NFATC2: variants seen among roughly 807,000 people sequenced by gnomAD.
The protein encoded by NFATC2 is nuclear factor of activated T-cells, cytoplasmic 2.
A neutral mutation model predicts 87.3 loss-of-function variants in NFATC2; 22 were observed. The ratio of observed to expected loss-of-function variants is 0.25; its 90% CI spans 0.18 to 0.36. The LOEUF is 0.36. Ranked by LOEUF, NFATC2 falls within the 10% of genes least tolerant of loss-of-function variation. The pLI is 1.00. For synonymous variants in NFATC2, 565 were observed against 542.2 expected, an observed-to-expected ratio of 1.04 and a Z score of -0.58; for missense variants, 1,149 against 1,259.1, an observed-to-expected ratio of 0.91 and a Z score of 1.32.
chr20:51,436,828 G>T (rs764259655), intron 6 of NFATC2, among the ~76,000 whole-genome samples: 1 of 152,156 alleles, frequency 6.6e-6, no homozygotes, highest in Non-Finnish European at 1.5e-5. Flanking sequence ...TTAGAGAAGC[G>T]CCATGACAGG....
At chr20:51,435,344 C>G (rs374852805) in intron 7 of NFATC2, 30 bp from the exon 8 acceptor site, 108 of 1,613,616 alleles carry the variant, frequency 6.7e-5, no homozygotes, top group Non-Finnish European at 8.6e-5. Flanking sequence ...ATGAACTTAA[C>G]TGCAATCATG....
rs895110505 is a variant in NFATC2 at position 51,541,363 on chromosome 20, G to T, written c.130+1007C>A. 4.6e-5 allele frequency among the ~76,000 whole-genome samples: 7 copies of T among 152,128 alleles called. No homozygotes were observed. In the South Asian group the frequency reaches 1.4e-3, roughly 32 times the overall value. On this transcript the variant is annotated intron_variant, in intron 1 of 10. Transcript: ENST00000371564. ...TGGGCTGGGCTGTCAAAATCAGGAA[G>T]CCTGGTTGGGTTTTTTGTTTTTTCC... is the stretch of plus-strand genomic sequence containing the variant.
intron 9 of NFATC2, among the ~76,000 whole-genome samples, chr20:51,430,406 C>T (rs994818753): frequency 6.6e-6 from 1 of 152,222 alleles, no homozygotes; most frequent in African/African-American, 2.4e-5. Context: ...TTATCTTCAC[C>T]ATTGTGAATG....
chr20:51,396,059 TATATATATATA>T (rs1568922100), intron 10 of NFATC2, among the ~76,000 whole-genome samples: 9 of 13,468 alleles, frequency 6.7e-4, no homozygotes, highest in Non-Finnish European at 8.3e-4. Flanking sequence ...TATATATATA[TATATATATATA>T]TATATATATA....
At chr20:51,487,989 C>T (rs954829694) in intron 3 of NFATC2, among the ~76,000 whole-genome samples, 3 of 152,052 alleles carry the variant, frequency 2.0e-5, no homozygotes, top group Non-Finnish European at 2.9e-5. Context: ...TGGGGAGAGG[C>T]GGGACCCACT....
intron 5 of NFATC2, among the ~76,000 whole-genome samples, chr20:51,463,640 C>G (rs888481951): frequency 5.9e-5 from 9 of 152,196 alleles, no homozygotes; most frequent in African/African-American, 1.7e-4. Flanking sequence ...GCTTTAACCC[C>G]AGCTCTGCCC....
At chr20:51,474,698 A>C (rs1988545933) in intron 4 of NFATC2, among the ~76,000 whole-genome samples, 1 of 152,110 alleles carries the variant, frequency 6.6e-6, no homozygotes, top group Admixed American at 6.5e-5. Context: ...TTCTTTGTAC[A>C]CTTCTTGCAG....
intron 5 of NFATC2, among the ~76,000 whole-genome samples, chr20:51,473,159 T>C: frequency 6.6e-6 from 1 of 152,204 alleles, no homozygotes; most frequent in East Asian, 1.9e-4. Context: ...GGTCACTTCG[T>C]ATCAGACTCC....
At chr20:51,464,176 C>T (rs536309302) in intron 5 of NFATC2, among the ~76,000 whole-genome samples, 207 of 152,170 alleles carry the variant, frequency 1.4e-3, no homozygotes, top group Non-Finnish European at 2.4e-3. Context: ...GTAAAGCCTG[C>T]TTTACAGAAC....
intron 3 of NFATC2, among the ~76,000 whole-genome samples, chr20:51,513,964 T>C (rs2076312045): frequency 6.6e-6 from 1 of 152,234 alleles, no homozygotes. Context: ...GAGCTTGCGG[T>C]ATCCAAATCC....
chr20:51,542,751 G>GGGGC (rs1555819108), upstream of NFATC2: 353 of 614,684 alleles, frequency 5.7e-4, 43 homozygotes, highest in African/African-American at 0.011. Context: ...CGGGGAGGCG[G>GGGGC]GGGGGGGGGG....
chr20:51,504,999 C>CTTTTTTTTTTTTT (rs34489487), intron 3 of NFATC2, among the ~76,000 whole-genome samples: 1 of 72,484 alleles, frequency 1.4e-5, no homozygotes, highest in East Asian at 5.4e-4. Context: ...TATCTAGTTC[C>CTTTTTTTTTTTTT]TTTTTTTTTT....
chr20:51,533,957 G>A (rs2146770212), intron 1 of NFATC2, among the ~76,000 whole-genome samples: 1 of 152,334 alleles, frequency 6.6e-6, no homozygotes, highest in South Asian at 2.1e-4. Flanking sequence ...TGGATGGGAA[G>A]AACTGTCTCT....
intron 9 of NFATC2, among the ~76,000 whole-genome samples, chr20:51,415,306 C>T (rs1474527244): frequency 3.3e-5 from 5 of 151,916 alleles, no homozygotes; most frequent in African/African-American, 9.7e-5. Flanking sequence ...TCTACTCTTG[C>T]TCAGTATTTC....
chr20:51,555,578 A>G (rs1568761041), intron 1 of NFATC2, among the ~76,000 whole-genome samples: 1 of 150,638 alleles, frequency 6.6e-6, no homozygotes, highest in Non-Finnish European at 1.5e-5. Flanking sequence ...TGGGCGACAG[A>G]GTGAGACTCC....
intron 2 of NFATC2, among the ~76,000 whole-genome samples, chr20:51,518,914 C>T (rs1234942445): frequency 6.6e-6 from 1 of 152,168 alleles, no homozygotes; most frequent in Non-Finnish European, 1.5e-5. Context: ...TATCCTCCTG[C>T]TTCAGCCTCC....
At chr20:51,503,636 C>T (rs1405724926) in intron 3 of NFATC2, among the ~76,000 whole-genome samples, 1 of 152,212 alleles carries the variant, frequency 6.6e-6, no homozygotes, top group Admixed American at 6.5e-5. Flanking sequence ...CACAGGAGGA[C>T]ATGCTTGGGG....
chr20:51,504,492 T>C (rs2076143989), intron 3 of NFATC2, among the ~76,000 whole-genome samples: 1 of 152,246 alleles, frequency 6.6e-6, no homozygotes, highest in East Asian at 1.9e-4. Flanking sequence ...AGGAGCAACC[T>C]GGAAAATTAT....
intron 3 of NFATC2, among the ~76,000 whole-genome samples, chr20:51,485,286 C>G (rs1989610735): frequency 6.6e-6 from 1 of 152,192 alleles, no homozygotes; most frequent in African/African-American, 2.4e-5. Context: ...AAATAAAAAA[C>G]CTGGATCATT....
Sources: gnomAD v4.1 joint callset for allele counts (sites outside exome capture counted in the v4.1 genomes callset) on GRCh38, gnomAD v4.1.1 for gene constraint, MANE v1.5 for transcripts, NCBI Gene and HGNC (gene_info 2026-07-23, HGNC 2026-07-21) for gene names.